Variants in AGAP1 observed in about 807,000 individuals in gnomAD.
AGAP1 encodes ArfGAP with GTPase domain, ankyrin repeat and PH domain 1, also known as arf-GAP with GTPase, ANK repeat and PH domain-containing protein 1.
AGAP1 carries 29 observed loss-of-function variants against 105.3 expected under a neutral mutation model. The ratio of observed to expected loss-of-function variants is 0.28; its 90% CI spans 0.21 to 0.38. AGAP1 has a LOEUF of 0.38. Ranked by LOEUF, AGAP1 falls within the 10% of genes least tolerant of loss-of-function variation. The probability of loss-of-function intolerance (pLI) is 1.00; values close to 1 mark genes in which losing one functional copy is unlikely to be tolerated. For synonymous variants in AGAP1, 509 were observed against 485.9 expected, an observed-to-expected ratio of 1.05 and a Z score of -0.63; for missense variants, 998 against 1,165.1, an observed-to-expected ratio of 0.86 and a Z score of 2.09.
At chr2:235,764,192 G>A (rs1954719162) in intron 6 of AGAP1, among the ~76,000 whole-genome samples, 1 of 152,198 alleles carries the variant, frequency 6.6e-6, no homozygotes, top group Non-Finnish European at 1.5e-5. Flanking sequence ...ACAAATATCT[G>A]AAGTACACTT....
At chr2:235,783,991 C>G (rs990224570) in intron 6 of AGAP1, among the ~76,000 whole-genome samples, 2 of 147,730 alleles carry the variant, frequency 1.4e-5, no homozygotes, top group African/African-American at 2.4e-5. Flanking sequence ...GATGGACGGA[C>G]GGATGGATGG....
rs150520308 is a variant in AGAP1, at chr2:235,752,945, T to C, written c.673+2457T>C. ...AGGTGCTGGTGGGTGTGGTGTCTGCTGAGGGCCATCCTCCTAGTGGGATAT... is the reference window on the plus strand; with the variant it reads ...AGGTGCTGGTGGGTGTGGTGTCTGCCGAGGGCCATCCTCCTAGTGGGATAT... On this transcript the variant is annotated intron_variant, in intron 6 of 17. Transcript: ENST00000304032. This position sits in a 1 kb window ranked among gnomAD's most constrained non-coding sequence, Gnocchi z 4.3. 0.021 allele frequency among the ~76,000 whole-genome samples: 3,171 copies of C among 152,262 alleles called. 97 individuals are homozygous for C. Among genetic ancestry groups the C allele is most frequent in the African/African-American group, 0.066 (2,725 of 41,552 alleles).
Position 235,930,990 on chromosome 2 carries a change from G to A in AGAP1, c.1483+67G>A, listed in dbSNP as rs564635395. 2.4e-5 allele frequency: 37 copies of A among 1,554,564 alleles called. No homozygotes were observed. The East Asian group carries it at 8.5e-4, about 36-fold the overall frequency. On this transcript the variant is annotated intron_variant, in intron 12 of 17. Transcript: ENST00000304032. The surrounding 1 kb of genome is among the most constrained non-coding windows in gnomAD (Gnocchi z 7.9). ...GGTCCTTCGTTGTAAGCCAGGGGCT[G>A]GACAGGACGCCCTAAGCTCTCATGC...
At chr2:235,503,629 CTG>C (rs1410395988) in intron 1 of AGAP1, among the ~76,000 whole-genome samples, 1 of 152,172 alleles carries the variant, frequency 6.6e-6, no homozygotes, top group Non-Finnish European at 1.5e-5. Context: ...GGGTCTCACT[CTG>C]TTGCTTAGGC....
rs973419431 is a variant in AGAP1, at chr2:235,692,207, G to A, written c.164-16972G>A. On this transcript the variant is annotated intron_variant, in intron 1 of 17. Coordinates refer to ENST00000304032, the MANE Select transcript of AGAP1 (RefSeq NM_001037131.3). The surrounding 1 kb of genome is among the most constrained non-coding windows in gnomAD (Gnocchi z 5.8). ...TGCCCCTACCTGGCCAGGTCTCGTC[G>A]TGTCTAGGTGGTGACAGCCATGTAG... 3.9e-5 allele frequency among the ~76,000 whole-genome samples: 6 copies of A among 152,120 alleles called. No individual in the cohort carries two copies. The highest frequency in any genetic ancestry group is 1.3e-4 in the Admixed American group (2 of 15,288).
Position 235,739,687 on chromosome 2 carries a change from G to A in AGAP1, c.311-1276G>A, listed in dbSNP as rs575472529. Among the ~76,000 whole-genome samples, 40 of 152,380 alleles carry A rather than the reference G, an allele frequency of 2.6e-4. No homozygotes were observed. Among genetic ancestry groups the A allele is most frequent in the African/African-American group, 9.1e-4 (38 of 41,592 alleles). ...CACACGAGCATGGCAGGAGCTCGCGGGAACGGGCCAACGCCCCACTGCCCC... is the reference window on the plus strand; with the variant it reads ...CACACGAGCATGGCAGGAGCTCGCGAGAACGGGCCAACGCCCCACTGCCCC... On this transcript the variant is annotated intron_variant, in intron 3 of 17. Transcript: ENST00000304032. The surrounding 1 kb of genome is among the most constrained non-coding windows in gnomAD (Gnocchi z 5.3).
At position 235,623,252 on chromosome 2, in the gene AGAP1, T is replaced by C. The variant is rs1412857082; in HGVS notation, c.164-85927T>C. ...GGAGATTTATGCGTGTTCTGCAGGC[T>C]GACCTCTGCTTGTTGATCGTATTAC... On this transcript the variant is annotated intron_variant, in intron 1 of 17. Transcript: ENST00000304032. The surrounding 1 kb of genome is among the most constrained non-coding windows in gnomAD (Gnocchi z 4.5). Among the ~76,000 whole-genome samples, 1 of 152,250 alleles carries C rather than the reference T, an allele frequency of 6.6e-6. No homozygotes were observed. Among genetic ancestry groups the C allele is most frequent in the Non-Finnish European group, 1.5e-5 (1 of 68,048 alleles).
At chr2:235,629,192 A>G (rs1946739763) in intron 1 of AGAP1, among the ~76,000 whole-genome samples, 1 of 152,056 alleles carries the variant, frequency 6.6e-6, no homozygotes, top group Non-Finnish European at 1.5e-5. Flanking sequence ...AGTTACTCAG[A>G]ATAATCGTCT....
rs1019441832 is a variant in AGAP1, at chr2:235,981,445, A to G, written c.1645+12822A>G. 2.5e-5 allele frequency among the ~76,000 whole-genome samples: 3 copies of G among 118,006 alleles called. No individual in the cohort carries two copies. The highest frequency in any genetic ancestry group is 3.6e-5 in the Non-Finnish European group (2 of 55,450). 77.4% of individuals were successfully genotyped at this position (118,006 alleles called of 152,430 possible). Reference sequence around the variant, plus strand: ...ACCAGAATTTCTAAGTTCATGTTCCATGCGTACACACACACACACACACAC... The same window carrying G: ...ACCAGAATTTCTAAGTTCATGTTCCGTGCGTACACACACACACACACACAC... On this transcript the variant is annotated intron_variant, in intron 13 of 17. Transcript: ENST00000304032. This position sits in a 1 kb window ranked among gnomAD's most constrained non-coding sequence, Gnocchi z 5.5.
At chr2:235,836,911 A>T (rs190095226) in intron 9 of AGAP1, among the ~76,000 whole-genome samples, 349 of 151,994 alleles carry the variant, frequency 2.3e-3, no homozygotes, top group African/African-American at 8.1e-3. Flanking sequence ...GTGATTCACA[A>T]TGCAGGTGTA....
intron 12 of AGAP1, among the ~76,000 whole-genome samples, chr2:235,942,620 C>T (rs903248297): frequency 4.0e-5 from 6 of 151,226 alleles, no homozygotes; most frequent in South Asian, 4.2e-4. Context: ...TGCAGTGAGC[C>T]GAGATCATGC....
chr2:235,534,059 C>G (rs1234012512), intron 1 of AGAP1, among the ~76,000 whole-genome samples: 3 of 152,224 alleles, frequency 2.0e-5, no homozygotes, highest in Non-Finnish European at 4.4e-5. Context: ...CAAACACCGT[C>G]GCTGTCGATG....
rs143486319 is a variant in AGAP1, at chr2:235,655,117, T to C, written c.164-54062T>C. ...TGTGTTAACAGAAACCTTTGTGCAT[T>C]TGACACAAGGTCAGCATAGATTTAA... On this transcript the variant is annotated intron_variant, in intron 1 of 17. Transcript: ENST00000304032. This position sits in a 1 kb window ranked among gnomAD's most constrained non-coding sequence, Gnocchi z 4.3. Among the ~76,000 whole-genome samples the C allele has an allele frequency of 2.7e-4, 41 of 152,278 alleles. No individual in the cohort carries two copies. Among genetic ancestry groups the C allele is most frequent in the African/African-American group, 9.6e-4 (40 of 41,548 alleles).
intron 11 of AGAP1, among the ~76,000 whole-genome samples, chr2:235,920,505 A>G (rs986652266): frequency 1.3e-5 from 2 of 152,112 alleles, no homozygotes; most frequent in African/African-American, 4.8e-5. Flanking sequence ...CAACATTGGC[A>G]TCGCTCTGAT....
intron 1 of AGAP1, among the ~76,000 whole-genome samples, chr2:235,562,178 C>T (rs1944175057): frequency 6.6e-6 from 1 of 152,108 alleles, no homozygotes; most frequent in African/African-American, 2.4e-5. Flanking sequence ...AAAGTGATTC[C>T]TTGATTCCTC....
At position 235,716,884 on chromosome 2, in the gene AGAP1, T is replaced by G. The variant is rs548678672; in HGVS notation, c.223-673T>G. Among the ~76,000 whole-genome samples, 195 of 152,058 alleles carry G rather than the reference T, an allele frequency of 1.3e-3. 1 individual carries two copies. The highest frequency in any genetic ancestry group is 4.4e-3 in the African/African-American group (181 of 41,474). ...ACAGAGGCCCTCATGTCACCCTCCC[T>G]CCTGAGGGTCGCCTTCTAATCCAGC... On this transcript the variant is annotated intron_variant, in intron 2 of 17. Transcript: ENST00000304032. The surrounding 1 kb of genome is among the most constrained non-coding windows in gnomAD (Gnocchi z 4.0).
At chr2:235,510,199 T>C (rs1344685724) in intron 1 of AGAP1, among the ~76,000 whole-genome samples, 1 of 152,142 alleles carries the variant, frequency 6.6e-6, no homozygotes, top group African/African-American at 2.4e-5. Flanking sequence ...TGTAATGCAT[T>C]TGAATCATCA....
Position 236,130,057 on chromosome 2 carries a change from C to A in AGAP1, c.*5935C>A, listed in dbSNP as rs570616340. ...GGGCCTGGAGGTGGGCAGATGGGGC[C>A]AGAGTGGCCAGCAGAGACTTGCATG... is the stretch of plus-strand genomic sequence containing the variant. On this transcript the variant is annotated 3_prime_UTR_variant, in exon 18 of 18. Coordinates refer to ENST00000304032, the MANE Select transcript of AGAP1 (RefSeq NM_001037131.3). The surrounding 1 kb of genome is among the most constrained non-coding windows in gnomAD (Gnocchi z 5.8). 1 of 152,282 alleles carries A rather than the reference C, an allele frequency of 6.6e-6. No homozygotes were observed. Among genetic ancestry groups the A allele is most frequent in the African/African-American group, 2.4e-5 (1 of 41,426 alleles). 9.4% of individuals were successfully genotyped at this position (152,282 alleles called of 1,614,324 possible). A position where few individuals can be genotyped will look rare whatever the true frequency, so the allele number is the denominator to read the frequency against.
At chr2:235,562,699 C>T (rs1387308160) in intron 1 of AGAP1, among the ~76,000 whole-genome samples, 3 of 152,172 alleles carry the variant, frequency 2.0e-5, no homozygotes, top group Non-Finnish European at 2.9e-5. Context: ...TCAGTCCTGG[C>T]TCCGGTCCTC....
Sources: gnomAD v4.1 joint callset for allele counts (sites outside exome capture counted in the v4.1 genomes callset) on GRCh38, gnomAD v4.1.1 for gene constraint, Gnocchi (gnomAD v3.1) non-coding constraint, MANE v1.5 for transcripts, NCBI Gene and HGNC (gene_info 2026-07-23, HGNC 2026-07-21) for gene names.